NCOA1: variants seen among roughly 807,000 people sequenced by gnomAD.
NCOA1 encodes the protein Hin-2 protein.
In NCOA1, 35 loss-of-function variants were observed where a neutral mutation model predicts 150.9. That is an observed-to-expected ratio of 0.23 (90% CI 0.18 to 0.31). The LOEUF (loss-of-function observed/expected upper bound fraction) is 0.31. Among genes scored for constraint, NCOA1 ranks in the 10% least tolerant of loss-of-function variants. The pLI is 1.00. For missense variants in NCOA1, 1,491 were observed against 1,749.3 expected (o/e 0.85, Z 2.63); for synonymous variants, 590 against 630.0 (o/e 0.94, Z 0.95).
chr2:24,518,523 C>T (rs1664298584), intron 1 of NCOA1, among the ~76,000 whole-genome samples: 1 of 151,806 alleles, frequency 6.6e-6, no homozygotes, highest in Admixed American at 6.6e-5. Flanking sequence ...AAATAAAAGG[C>T]ATCCAGATTG....
rs75574739 is a variant in NCOA1, at chr2:24,652,232, C to T, written c.-17-6429C>T. Among the ~76,000 whole-genome samples, 467 of 152,154 alleles carry T rather than the reference C, an allele frequency of 3.1e-3. 3 individuals carry two copies. Among genetic ancestry groups the T allele is most frequent in the Non-Finnish European group, 1.4e-3 (94 of 67,924 alleles). The stretch of plus-strand genomic sequence containing the variant: ...GCAGTGAAAATCCTGAAGTCCCTAT[C>T]CTTCCTTACCACATGAGAAAGATTT... On this transcript the variant is annotated intron_variant, in intron 4 of 22. Coordinates refer to ENST00000348332, the MANE Select transcript of NCOA1 (RefSeq NM_003743.5).
At chr2:24,752,878 C>CT (rs754116057) in intron 20 of NCOA1, among the ~76,000 whole-genome samples, 163 of 143,556 alleles carry the variant, frequency 1.1e-3, no homozygotes, top group East Asian at 2.0e-3. Context: ...TCACTAAAGC[C>CT]TTTTTTTTTT....
intron 3 of NCOA1, among the ~76,000 whole-genome samples, chr2:24,643,069 T>A (rs1347058554): frequency 6.6e-6 from 1 of 152,198 alleles, no homozygotes; most frequent in African/African-American, 2.4e-5. Flanking sequence ...GTACATGTGC[T>A]AAAATGTCAT....
intron 3 of NCOA1, among the ~76,000 whole-genome samples, chr2:24,587,327 T>A (rs531123154): frequency 1.3e-5 from 2 of 152,302 alleles, no homozygotes; most frequent in Admixed American, 6.5e-5. Context: ...TTGGTTATTC[T>A]TCATATTTTG....
chr2:24,607,004 G>A (rs1456312471), intron 3 of NCOA1, among the ~76,000 whole-genome samples: 1 of 151,950 alleles, frequency 6.6e-6, no homozygotes, highest in Non-Finnish European at 1.5e-5. Flanking sequence ...TTTCACTTGG[G>A]GATGCTCTTT....
At chr2:24,582,196 A>T (rs182021815) in intron 2 of NCOA1, among the ~76,000 whole-genome samples, 1 of 152,220 alleles carries the variant, frequency 6.6e-6, no homozygotes, top group African/African-American at 2.4e-5. Context: ...ATGATCTTAT[A>T]TATAGAAAAA....
chr2:24,575,518 A>G (rs1666916987), intron 2 of NCOA1, among the ~76,000 whole-genome samples: 1 of 151,648 alleles, frequency 6.6e-6, no homozygotes, highest in African/African-American at 2.4e-5. Flanking sequence ...CAGACATTGT[A>G]AATTTCACGT....
chr2:24,711,129 C>T lies in NCOA1; in HGVS notation c.2599+18C>T, dbSNP rs1673728260. 2 of 1,598,334 alleles carry T rather than the reference C, an allele frequency of 1.3e-6. No homozygotes were observed. Among genetic ancestry groups the T allele is most frequent in the Non-Finnish European group, 1.7e-6 (2 of 1,171,120 alleles). On this transcript the variant is annotated intron_variant, in intron 14 of 22. Transcript: ENST00000348332. The stretch of plus-strand genomic sequence containing the variant: ...GCTAAATAGTATGTTCTGGGGACAA[C>T]ACCTCATTTTAAACGTTTAGTGATA...
chr2:24,706,617 A>G lies in NCOA1; in HGVS notation c.1147A>G (p.Ile383Val), dbSNP rs897129881. The G allele has an allele frequency of 3.1e-6, 5 of 1,614,102 alleles. No homozygotes were observed. Among genetic ancestry groups the G allele is most frequent in the African/African-American group, 1.3e-5 (1 of 75,036 alleles). ...AGATGACACTAATTCTGGAATGTCA[A>G]TTCCCCGAGTAAATCCCTCGGTCAA... Reference protein sequence around the residue: ...PQDDTNSGMSIPRVNPSVNPS... With the variant: ...PQDDTNSGMSVPRVNPSVNPS... The change falls in exon 13 of 23, where the codon ATT (isoleucine) becomes GTT (valine). Residue 383 changes from isoleucine to valine, a missense_variant. Transcript: ENST00000348332.
At chr2:24,717,057 G>A (rs1483518973) in intron 14 of NCOA1, among the ~76,000 whole-genome samples, 1 of 152,202 alleles carries the variant, frequency 6.6e-6, no homozygotes, top group African/African-American at 2.4e-5. Context: ...ATAAGCATAT[G>A]AAATGATGCC....
chr2:24,603,616 T>C (rs963784850), intron 3 of NCOA1, among the ~76,000 whole-genome samples: 5 of 152,264 alleles, frequency 3.3e-5, no homozygotes, highest in Non-Finnish European at 7.3e-5. Flanking sequence ...TGCTTATTCA[T>C]AAGAAGCATC....
At chr2:24,712,914 A>G (rs1013790235) in intron 14 of NCOA1, among the ~76,000 whole-genome samples, 14 of 152,146 alleles carry the variant, frequency 9.2e-5, no homozygotes, top group African/African-American at 3.4e-4. Flanking sequence ...GGTCCACCTC[A>G]GAGGGCCAGT....
intron 1 of NCOA1, among the ~76,000 whole-genome samples, chr2:24,539,371 G>A (rs1160426780): frequency 6.6e-6 from 1 of 152,152 alleles, no homozygotes; most frequent in Admixed American, 6.6e-5. Context: ...AGATATGAAG[G>A]CCTGAAAAAG....
chr2:24,663,072 G>A (rs1320399834), intron 5 of NCOA1, among the ~76,000 whole-genome samples: 1 of 151,618 alleles, frequency 6.6e-6, no homozygotes, highest in Non-Finnish European at 1.5e-5. Flanking sequence ...TGGGATTACA[G>A]ATGCGAGCTG....
chr2:24,670,366 G>A (rs974609497), intron 6 of NCOA1, among the ~76,000 whole-genome samples: 5 of 152,038 alleles, frequency 3.3e-5, no homozygotes, highest in Non-Finnish European at 5.9e-5. Flanking sequence ...CAAAAAATTT[G>A]TACATGAATG....
intron 22 of NCOA1, among the ~76,000 whole-genome samples, chr2:24,766,510 G>C (rs1047010977): frequency 6.6e-6 from 1 of 152,112 alleles, no homozygotes; most frequent in Non-Finnish European, 1.5e-5. Context: ...GAGTGAGTTA[G>C]ACAGAAATAT....
chr2:24,733,169 TG>T (rs1663106079), intron 17 of NCOA1, among the ~76,000 whole-genome samples: 1 of 152,158 alleles, frequency 6.6e-6, no homozygotes, highest in Non-Finnish European at 1.5e-5. Context: ...ATCAAGAAAT[TG>T]AGGTTTAAAT....
intron 3 of NCOA1, among the ~76,000 whole-genome samples, chr2:24,616,183 A>C (rs1221845168): frequency 6.6e-6 from 1 of 152,190 alleles, no homozygotes; most frequent in African/African-American, 2.4e-5. Flanking sequence ...CCTTCAGAGG[A>C]TGGAAATGAT....
At chr2:24,563,255 G>A (rs979889586) in intron 1 of NCOA1, among the ~76,000 whole-genome samples, 1 of 152,204 alleles carries the variant, frequency 6.6e-6, no homozygotes, top group African/African-American at 2.4e-5. Context: ...AGATGAGAAA[G>A]CATAACTGGG....
Sources: allele counts gnomAD v4.1 joint callset (sites outside exome capture counted in the v4.1 genomes callset), GRCh38; gene constraint gnomAD v4.1.1; transcripts MANE v1.5; gene names NCBI Gene and HGNC (gene_info 2026-07-23, HGNC 2026-07-21).